Variants in NCAM2 observed in about 807,000 individuals in gnomAD.
NCAM2 encodes the protein N-CAM-2.
A neutral mutation model predicts 98.1 loss-of-function variants in NCAM2; 30 were observed. That is an observed-to-expected ratio of 0.31 (90% CI 0.23 to 0.41). NCAM2 has a LOEUF of 0.41. NCAM2 is among the 10% of genes least tolerant of loss of function. NCAM2 has a pLI of 1.00. For synonymous variants in NCAM2, 368 were observed against 342.4 expected, an observed-to-expected ratio of 1.07 and a Z score of -0.83; for missense variants, 867 against 1,005.8, an observed-to-expected ratio of 0.86 and a Z score of 1.87.
At chr21:21,491,180 T>A (rs1359226247) in intron 15 of NCAM2, among the ~76,000 whole-genome samples, 5 of 151,840 alleles carry the variant, frequency 3.3e-5, no homozygotes, top group Non-Finnish European at 7.4e-5. Flanking sequence ...GTAAAAATAA[T>A]TTCGTGACAA....
At chr21:21,422,691 CT>C (rs1435056553) in intron 11 of NCAM2, among the ~76,000 whole-genome samples, 1 of 152,094 alleles carries the variant, frequency 6.6e-6, no homozygotes, top group African/African-American at 2.4e-5. Context: ...GTTTTCTTAA[CT>C]TTTAATCCAA....
intron 1 of NCAM2, among the ~76,000 whole-genome samples, chr21:21,105,411 A>AT (rs1327804819): frequency 6.6e-6 from 1 of 152,108 alleles, no homozygotes; most frequent in Non-Finnish European, 1.5e-5. Flanking sequence ...GTCCAGGTAG[A>AT]TATGAGACAT....
intron 1 of NCAM2, among the ~76,000 whole-genome samples, chr21:21,113,038 A>G (rs1488157161): frequency 6.6e-6 from 1 of 152,144 alleles, no homozygotes; most frequent in Non-Finnish European, 1.5e-5. Context: ...TTCTCTTTAT[A>G]TTAGGGGTAT....
At chr21:21,385,646 T>C (rs1234225716) in intron 9 of NCAM2, 2 of 1,287,682 alleles carry the variant, frequency 1.6e-6, no homozygotes, top group Non-Finnish European at 2.0e-6. Flanking sequence ...ATTTTCAACA[T>C]TTCCGAGGCG....
intron 16 of NCAM2, among the ~76,000 whole-genome samples, chr21:21,516,648 A>T (rs1452079404): frequency 6.6e-6 from 1 of 151,958 alleles, no homozygotes. Flanking sequence ...GAAAATCTAG[A>T]AGTCAACCAT....
chr21:21,079,666 T>G (rs572443280), intron 1 of NCAM2, among the ~76,000 whole-genome samples: 1 of 152,266 alleles, frequency 6.6e-6, no homozygotes, highest in African/African-American at 2.4e-5. Flanking sequence ...CACTTCCCCT[T>G]TGTTTCTGCC....
intron 12 of NCAM2, among the ~76,000 whole-genome samples, chr21:21,453,906 G>A (rs1046754043): frequency 6.6e-6 from 1 of 151,926 alleles, no homozygotes; most frequent in Non-Finnish European, 1.5e-5. Context: ...TCTTTCTTCG[G>A]TATGGTGTTT....
At chr21:21,369,513 G>A (rs2075865505) in intron 8 of NCAM2, among the ~76,000 whole-genome samples, 1 of 151,612 alleles carries the variant, frequency 6.6e-6, no homozygotes, top group African/African-American at 2.4e-5. Flanking sequence ...TTTAACATTT[G>A]GAGGAACTGT....
At chr21:21,000,181 T>C (rs1363968635) in intron 1 of NCAM2, among the ~76,000 whole-genome samples, 1 of 152,252 alleles carries the variant, frequency 6.6e-6, no homozygotes, top group East Asian at 1.9e-4. Context: ...AGATAGCTGC[T>C]GATTGTGTTT....
At chr21:21,318,183 G>T (rs1485437192) in intron 5 of NCAM2, among the ~76,000 whole-genome samples, 1 of 152,254 alleles carries the variant, frequency 6.6e-6, no homozygotes, top group Non-Finnish European at 1.5e-5. Context: ...GTAGAATATT[G>T]TTAACTGTAG....
chr21:21,277,692 G>A (rs1159980948), intron 1 of NCAM2, among the ~76,000 whole-genome samples: 1 of 152,022 alleles, frequency 6.6e-6, no homozygotes, highest in African/African-American at 2.4e-5. Flanking sequence ...TGTATGGTAA[G>A]GGACAAATTA....
chr21:21,433,546 T>G (rs1476305366), intron 12 of NCAM2, among the ~76,000 whole-genome samples: 1 of 151,386 alleles, frequency 6.6e-6, no homozygotes, highest in African/African-American at 2.4e-5. Context: ...GAGACCATCC[T>G]GGCTAACATG....
chr21:21,416,206 G>A (rs565306266), intron 10 of NCAM2, among the ~76,000 whole-genome samples: 3 of 152,246 alleles, frequency 2.0e-5, no homozygotes, highest in African/African-American at 7.2e-5. Flanking sequence ...GGAAGCCAAA[G>A]AGGGAGAGAG....
At position 21,173,018 on chromosome 21, in the gene NCAM2, T is replaced by C. The variant is rs535626218; in HGVS notation, c.56-107560T>C. Among the ~76,000 whole-genome samples, 19 of 152,318 alleles carry C rather than the reference T, an allele frequency of 1.2e-4. No individual in the cohort carries two copies. In the South Asian group the frequency reaches 2.7e-3, roughly 22 times the overall value. On this transcript the variant is annotated intron_variant, in intron 1 of 17. Transcript: ENST00000400546. ...TAAGGGTGGACTTGACTAATAGTTA[T>C]AGTGTGAAATGTATCTTCACTTCTT... is the stretch of plus-strand genomic sequence containing the variant.
At chr21:21,481,660 C>T (rs1381510513) in intron 15 of NCAM2, among the ~76,000 whole-genome samples, 2 of 151,990 alleles carry the variant, frequency 1.3e-5, no homozygotes, top group Non-Finnish European at 2.9e-5. Context: ...ATCAAGGAGT[C>T]GTGGAGCAAT....
intron 1 of NCAM2, among the ~76,000 whole-genome samples, chr21:21,001,296 C>CT (rs916772250): frequency 5.9e-5 from 9 of 151,910 alleles, no homozygotes; most frequent in South Asian, 4.2e-4. Flanking sequence ...TAGTAAGACG[C>CT]TTTTTTTTAT....
chr21:21,187,344 A>G (rs2146945579), intron 1 of NCAM2, among the ~76,000 whole-genome samples: 1 of 152,324 alleles, frequency 6.6e-6, no homozygotes, highest in Non-Finnish European at 1.5e-5. Flanking sequence ...TTAAAATTAT[A>G]CTTATTAGTT....
chr21:21,082,708 A>G (rs1421102939), intron 1 of NCAM2, among the ~76,000 whole-genome samples: 2 of 152,148 alleles, frequency 1.3e-5, no homozygotes, highest in Admixed American at 1.3e-4. Flanking sequence ...CTGATTTATT[A>G]TGTTCATCTT....
chr21:21,423,811 A>G (rs7283174), intron 11 of NCAM2, among the ~76,000 whole-genome samples: 13,518 of 152,078 alleles, frequency 0.089, 718 homozygotes, highest in East Asian at 0.15. Flanking sequence ...TTTAAGTCAC[A>G]AGTACAATAT....
Sources: gnomAD v4.1 joint callset for allele counts (sites outside exome capture counted in the v4.1 genomes callset) on GRCh38, gnomAD v4.1.1 for gene constraint, MANE v1.5 for transcripts, NCBI Gene and HGNC (gene_info 2026-07-23, HGNC 2026-07-21) for gene names.